Variants in NEGR1 observed in about 807,000 individuals in gnomAD.
NEGR1 encodes the protein IgLON family member 4.
In NEGR1, 10 loss-of-function variants were observed where a neutral mutation model predicts 40.9. The ratio of observed to expected loss-of-function variants is 0.24; its 90% CI spans 0.15 to 0.42. The LOEUF (loss-of-function observed/expected upper bound fraction) is 0.42, where lower values mean the gene tolerates loss of function less well. Among genes scored for constraint, NEGR1 ranks in the 10% least tolerant of loss-of-function variants. The pLI is 1.00. For missense variants in NEGR1, 352 were observed against 438.9 expected, an observed-to-expected ratio of 0.80 and a Z score of 1.77; for synonymous variants, 185 against 166.8, an observed-to-expected ratio of 1.11 and a Z score of -0.84.
chr1:71,404,662 C>T lies in NEGR1; in HGVS notation c.*2784G>A, dbSNP rs1230468010. On this transcript the variant is annotated 3_prime_UTR_variant, in exon 7 of 7. Transcript: ENST00000357731. ...CTCCATTCTCATTTTTAAACTGCTA[C>T]TTATTTTTCTTTCTTCCTTCTTTAA... The T allele has an allele frequency of 1.3e-5, 2 of 150,428 alleles. No homozygotes were observed. The highest frequency in any genetic ancestry group is 2.1e-4 in the South Asian group (1 of 4,764). The allele number at this position is 150,428 out of a possible 1,614,324, so 9.3% of individuals were successfully genotyped here. A position where few individuals can be genotyped will look rare whatever the true frequency, so the allele number is the denominator to read the frequency against.
chr1:72,256,951 CACAA>C (rs1655289772), intron 1 of NEGR1, among the ~76,000 whole-genome samples: 2 of 152,248 alleles, frequency 1.3e-5, no homozygotes, highest in East Asian at 1.9e-4. Context: ...CTAGAAGTAA[CACAA>C]ACACTCATTT....
chr1:72,132,216 A>G (rs1650285611), intron 1 of NEGR1, among the ~76,000 whole-genome samples: 1 of 152,252 alleles, frequency 6.6e-6, no homozygotes, highest in Non-Finnish European at 1.5e-5. Context: ...ATATCTTGAT[A>G]ACGTTACTAT....
chr1:71,869,555 T>C (rs1660217089), intron 2 of NEGR1, among the ~76,000 whole-genome samples: 1 of 152,148 alleles, frequency 6.6e-6, no homozygotes, highest in African/African-American at 2.4e-5. Flanking sequence ...GATTGCTAGA[T>C]AAGGTTAACA....
intron 4 of NEGR1, among the ~76,000 whole-genome samples, chr1:71,692,130 C>T (rs902013270): frequency 6.6e-6 from 1 of 151,476 alleles, no homozygotes; most frequent in Non-Finnish European, 1.5e-5. Context: ...CACCTTGATT[C>T]TCTTATAGTA....
chr1:71,976,177 CA>C (rs1271944685), intron 1 of NEGR1, among the ~76,000 whole-genome samples: 1 of 152,124 alleles, frequency 6.6e-6, no homozygotes, highest in East Asian at 1.9e-4. Context: ...CTAAAACTCC[CA>C]AAAGGCAAGT....
At chr1:71,697,482 T>C (rs959527814) in intron 4 of NEGR1, among the ~76,000 whole-genome samples, 2 of 151,828 alleles carry the variant, frequency 1.3e-5, no homozygotes, top group Admixed American at 1.3e-4. Flanking sequence ...GTATCCAATT[T>C]ATATTCTAAC....
chr1:71,496,361 C>T (rs1646962944), intron 6 of NEGR1, among the ~76,000 whole-genome samples: 1 of 152,128 alleles, frequency 6.6e-6, no homozygotes, highest in African/African-American at 2.4e-5. Flanking sequence ...TTCATAGAAA[C>T]TCAGAAAAGT....
intron 2 of NEGR1, among the ~76,000 whole-genome samples, chr1:71,855,574 T>C (rs900276663): frequency 8.6e-5 from 13 of 152,028 alleles, no homozygotes; most frequent in Non-Finnish European, 1.6e-4. Context: ...ACCTGGAAAG[T>C]ATTGAGAACA....
intron 5 of NEGR1, among the ~76,000 whole-genome samples, chr1:71,608,494 G>GC (rs912455887): frequency 2.5e-4 from 14 of 56,100 alleles, no homozygotes; most frequent in African/African-American, 9.2e-4. Flanking sequence ...GATTACTGTA[G>GC]CTTTTTTTTT....
At chr1:71,689,882 A>T (rs1653193343) in intron 4 of NEGR1, among the ~76,000 whole-genome samples, 1 of 151,852 alleles carries the variant, frequency 6.6e-6, no homozygotes, top group African/African-American at 2.4e-5. Flanking sequence ...AAATAACAGT[A>T]AATATCATTA....
At chr1:72,051,826 A>G (rs1227730290) in intron 1 of NEGR1, among the ~76,000 whole-genome samples, 1 of 151,486 alleles carries the variant, frequency 6.6e-6, no homozygotes, top group Admixed American at 6.6e-5. Flanking sequence ...AAAGTTGTCA[A>G]CTTTATCAGA....
intron 2 of NEGR1, among the ~76,000 whole-genome samples, chr1:71,820,215 T>G (rs997651981): frequency 6.6e-6 from 1 of 151,942 alleles, no homozygotes; most frequent in Non-Finnish European, 1.5e-5. Context: ...ACATGAGTAC[T>G]ACTCAGATTT....
Position 72,142,798 on chromosome 1 carries a change from C to G in NEGR1, c.176+139521G>C, listed in dbSNP as rs1650738136. ...CAGGTCCAGTGATCCTACATGAAAC[C>G]CTATTCCTTTTCTTGAAATCATGAT... On this transcript the variant is annotated intron_variant, in intron 1 of 6. Coordinates refer to ENST00000357731, the MANE Select transcript of NEGR1 (RefSeq NM_173808.3). 2.6e-5 allele frequency among the ~76,000 whole-genome samples: 4 copies of G among 151,202 alleles called. No homozygotes were observed. In the Admixed American group the frequency reaches 2.6e-4, roughly 10 times the overall value.
intron 4 of NEGR1, among the ~76,000 whole-genome samples, chr1:71,687,063 T>C (rs1390016857): frequency 6.6e-6 from 1 of 152,202 alleles, no homozygotes; most frequent in Admixed American, 6.5e-5. Context: ...TACAGAACAC[T>C]TATTTGTTTA....
intron 4 of NEGR1, among the ~76,000 whole-genome samples, chr1:71,645,945 G>A (rs1292127078): frequency 6.6e-6 from 1 of 151,574 alleles, no homozygotes; most frequent in Non-Finnish European, 1.5e-5. Context: ...AACATTCTTA[G>A]GGAAGAATAA....
chr1:72,212,764 A>G (rs1257220023), intron 1 of NEGR1, among the ~76,000 whole-genome samples: 1 of 151,974 alleles, frequency 6.6e-6, no homozygotes, highest in East Asian at 1.9e-4. Context: ...GGATTGGGAA[A>G]CAGAACTTGC....
chr1:71,957,398 T>C, intron 1 of NEGR1, among the ~76,000 whole-genome samples: 1 of 152,250 alleles, frequency 6.6e-6, no homozygotes. Context: ...TCAAGCCAAT[T>C]TGAGGCAGAG....
chr1:71,520,547 A>G (rs1452262176), intron 6 of NEGR1, among the ~76,000 whole-genome samples: 1 of 152,058 alleles, frequency 6.6e-6, no homozygotes, highest in African/African-American at 2.4e-5. Context: ...CTTTAATTAC[A>G]ATAATTAATG....
intron 4 of NEGR1, among the ~76,000 whole-genome samples, chr1:71,654,198 G>A (rs1570156333): frequency 6.6e-6 from 1 of 152,088 alleles, no homozygotes; most frequent in Non-Finnish European, 1.5e-5. Flanking sequence ...CTCAGGGCCG[G>A]GTGTAGGGAA....
Sources: allele counts gnomAD v4.1 joint callset (sites outside exome capture counted in the v4.1 genomes callset), GRCh38; gene constraint gnomAD v4.1.1; transcripts MANE v1.5; gene names NCBI Gene and HGNC (gene_info 2026-07-23, HGNC 2026-07-21).